The following ADAMTSL1 variants were observed in gnomAD, a reference collection of about 807,000 sequenced individuals.
ADAMTSL1 encodes ADAMTS-like protein 1.
ADAMTSL1 carries 126 observed loss-of-function variants against 201.8 expected under a neutral mutation model. The ratio of observed to expected loss-of-function variants is 0.62; its 90% CI spans 0.54 to 0.72. The LOEUF (loss-of-function observed/expected upper bound fraction) is 0.72. ADAMTSL1 is among the 30% of genes least tolerant of loss of function. The pLI is 0.00. For missense variants in ADAMTSL1, 2,679 were observed against 2,277.8 expected (o/e 1.18, Z -3.59); for synonymous variants, 1,121 against 903.4 (o/e 1.24, Z -4.32).
chr9:18,755,616 T>C (rs971427625), intron 16 of ADAMTSL1, among the ~76,000 whole-genome samples: 1 of 152,232 alleles, frequency 6.6e-6, no homozygotes, highest in South Asian at 2.1e-4. Context: ...CACAGCCATA[T>C]ATATGACCTT....
chr9:18,219,909 A>G (rs1423548047), intron 2 of ADAMTSL1, among the ~76,000 whole-genome samples: 1 of 152,036 alleles, frequency 6.6e-6, no homozygotes, highest in East Asian at 1.9e-4. Flanking sequence ...TTTTTTTTCT[A>G]TAGACTTGCT....
At chr9:18,423,797 G>A (rs1563951191) in intron 2 of ADAMTSL1, among the ~76,000 whole-genome samples, 1 of 152,078 alleles carries the variant, frequency 6.6e-6, no homozygotes. Context: ...TGCAATGTAG[G>A]GACAAAATAG....
chr9:17,981,080 A>G (rs1027825092), intron 1 of ADAMTSL1, among the ~76,000 whole-genome samples: 3 of 152,198 alleles, frequency 2.0e-5, no homozygotes, highest in Non-Finnish European at 4.4e-5. Flanking sequence ...ACTTCCCGTT[A>G]GGTCCTACTT....
intron 1 of ADAMTSL1, among the ~76,000 whole-genome samples, chr9:18,160,764 C>G (rs1365545951): frequency 6.6e-6 from 1 of 151,442 alleles, no homozygotes; most frequent in African/African-American, 2.4e-5. Context: ...ACTCTAGCCT[C>G]TGTCTGCCAG....
chr9:18,892,956 C>T (rs933078117), intron 26 of ADAMTSL1, among the ~76,000 whole-genome samples: 3 of 151,762 alleles, frequency 2.0e-5, no homozygotes, highest in African/African-American at 7.3e-5. Flanking sequence ...ACACTGTGGC[C>T]ACCTTTAATG....
At chr9:18,532,505 G>A (rs1224822170) in intron 2 of ADAMTSL1, among the ~76,000 whole-genome samples, 1 of 152,030 alleles carries the variant, frequency 6.6e-6, no homozygotes, top group Non-Finnish European at 1.5e-5. Context: ...AATTACATCA[G>A]TTGATAGAAT....
chr9:18,371,117 G>A (rs1837025376), intron 2 of ADAMTSL1, among the ~76,000 whole-genome samples: 1 of 151,876 alleles, frequency 6.6e-6, no homozygotes, highest in African/African-American at 2.4e-5. Flanking sequence ...AGTAATACAT[G>A]GATTCAGATA....
chr9:18,556,144 G>A (rs924984904), intron 3 of ADAMTSL1, among the ~76,000 whole-genome samples: 1 of 151,916 alleles, frequency 6.6e-6, no homozygotes, highest in African/African-American at 2.4e-5. Context: ...CTTAAAGAAA[G>A]ATAGAATAGG....
At chr9:18,243,982 A>C (rs1831163619) in intron 2 of ADAMTSL1, among the ~76,000 whole-genome samples, 1 of 152,130 alleles carries the variant, frequency 6.6e-6, no homozygotes. Context: ...AAAGGTATGC[A>C]TCCAACCTCT....
At chr9:18,041,110 C>T (rs1233071545) in intron 1 of ADAMTSL1, among the ~76,000 whole-genome samples, 1 of 152,142 alleles carries the variant, frequency 6.6e-6, no homozygotes, top group Non-Finnish European at 1.5e-5. Context: ...GCATCAGAAG[C>T]TGGTTGAAAA....
At chr9:18,305,169 C>G (rs1377474207) in intron 2 of ADAMTSL1, among the ~76,000 whole-genome samples, 1 of 152,210 alleles carries the variant, frequency 6.6e-6, no homozygotes, top group African/African-American at 2.4e-5. Flanking sequence ...ACACTGCACT[C>G]TGGCCCAGAT....
intron 2 of ADAMTSL1, among the ~76,000 whole-genome samples, chr9:18,511,079 C>T (rs2131970230): frequency 6.6e-6 from 1 of 152,090 alleles, no homozygotes; most frequent in South Asian, 2.1e-4. Context: ...TAAGTCAATG[C>T]CAAGACCAGG....
At chr9:18,239,094 C>G (rs924697141) in intron 2 of ADAMTSL1, among the ~76,000 whole-genome samples, 3 of 152,148 alleles carry the variant, frequency 2.0e-5, no homozygotes, top group Non-Finnish European at 4.4e-5. Context: ...TAATGATTAT[C>G]TGAGGCTTCA....
intron 1 of ADAMTSL1, among the ~76,000 whole-genome samples, 155 bp from the exon 2 acceptor site, chr9:18,504,674 T>G (rs548373318): frequency 6.6e-6 from 1 of 152,316 alleles, no homozygotes; most frequent in South Asian, 2.1e-4. Flanking sequence ...CATATAGGCA[T>G]TATGAAATGG....
intron 2 of ADAMTSL1, among the ~76,000 whole-genome samples, chr9:18,390,725 G>A (rs1838009240): frequency 6.6e-6 from 1 of 151,918 alleles, no homozygotes; most frequent in Non-Finnish European, 1.5e-5. Flanking sequence ...CTTGCATTCA[G>A]CACCAACGTT....
chr9:18,277,509 C>G (rs1191843940), intron 2 of ADAMTSL1, among the ~76,000 whole-genome samples: 1 of 152,064 alleles, frequency 6.6e-6, no homozygotes, highest in African/African-American at 2.4e-5. Flanking sequence ...GAGTTGACTT[C>G]TTTATCATTA....
intron 2 of ADAMTSL1, among the ~76,000 whole-genome samples, chr9:18,263,588 GCTA>G (rs1832005419): frequency 1.3e-5 from 2 of 152,260 alleles, no homozygotes; most frequent in East Asian, 3.9e-4. Flanking sequence ...CAAATTTTTA[GCTA>G]CTATTGTGGA....
chr9:17,988,424 C>A (rs928632292), intron 1 of ADAMTSL1, among the ~76,000 whole-genome samples: 3 of 151,996 alleles, frequency 2.0e-5, no homozygotes, highest in African/African-American at 7.2e-5. Flanking sequence ...GCAGATGGCC[C>A]CTCAGTGAAT....
intron 2 of ADAMTSL1, among the ~76,000 whole-genome samples, chr9:18,318,990 C>T (rs1834517590): frequency 6.6e-6 from 1 of 152,172 alleles, no homozygotes; most frequent in African/African-American, 2.4e-5. Context: ...GGGAGGATGG[C>T]ACGAATCCAG....
Sources: gnomAD v4.1 joint callset for allele counts (sites outside exome capture counted in the v4.1 genomes callset) on GRCh38, gnomAD v4.1.1 for gene constraint, MANE v1.5 for transcripts, NCBI Gene and HGNC (gene_info 2026-07-23, HGNC 2026-07-21) for gene names.